The following SV2C variants were observed in gnomAD, a reference collection of about 807,000 sequenced individuals.
The protein encoded by SV2C is solute carrier family 22 member B3.
A neutral mutation model predicts 79.7 loss-of-function variants in SV2C; 49 were observed. The observed-to-expected ratio is 0.61, with a 90% confidence interval of 0.49 to 0.78. The LOEUF (loss-of-function observed/expected upper bound fraction) is 0.78. Among genes scored for constraint, SV2C ranks in the 30% least tolerant of loss-of-function variants. The pLI is 0.00. For synonymous variants in SV2C, 334 were observed against 333.2 expected (o/e 1.00, Z -0.03); for missense variants, 833 against 912.9 (o/e 0.91, Z 1.13).
At chr5:75,920,768 C>T in the SV2C span, 6 of 780,294 alleles carry the variant, frequency 7.7e-6, no homozygotes, top group South Asian at 1.4e-5. Flanking sequence ...TCTCTTGGGT[C>T]CCGTTGGGGT....
At chr5:76,183,379 T>C (rs1743813550) in intron 2 of SV2C, among the ~76,000 whole-genome samples, 1 of 151,480 alleles carries the variant, frequency 6.6e-6, no homozygotes, top group Non-Finnish European at 1.5e-5. Context: ...ACCCCTATGA[T>C]CCAAACACCT....
the SV2C span, among the ~76,000 whole-genome samples, chr5:76,045,383 C>G: frequency 6.6e-6 from 1 of 152,094 alleles, no homozygotes; most frequent in Non-Finnish European, 1.5e-5. Flanking sequence ...TTAGGATTGT[C>G]TTGGCTATAT....
intron 4 of SV2C, among the ~76,000 whole-genome samples, chr5:76,215,777 T>C (rs1304355583): frequency 6.6e-6 from 1 of 152,124 alleles, no homozygotes; most frequent in Non-Finnish European, 1.5e-5. Context: ...CTCATATTAG[T>C]AATGGGCTTT....
chr5:75,899,939 T>A, the SV2C span, among the ~76,000 whole-genome samples: 1 of 152,192 alleles, frequency 6.6e-6, no homozygotes, highest in Non-Finnish European at 1.5e-5. Context: ...CTCCATCCTT[T>A]TATTTTGAGC....
At chr5:75,991,920 A>G in the SV2C span, among the ~76,000 whole-genome samples, 3 of 151,766 alleles carry the variant, frequency 2.0e-5, no homozygotes, top group Non-Finnish European at 2.9e-5. Context: ...CTTTAATTTT[A>G]AAAAATCTGG....
intron 8 of SV2C, 114 bp from the exon 9 acceptor site, chr5:76,295,664 A>T: frequency 5.1e-6 from 5 of 988,568 alleles, no homozygotes; most frequent in East Asian, 5.1e-5. Context: ...TCATAATGTT[A>T]TAGGGAGCCA....
chr5:76,046,970 T>C, the SV2C span, among the ~76,000 whole-genome samples: 1 of 152,264 alleles, frequency 6.6e-6, no homozygotes, highest in Non-Finnish European at 1.5e-5. Context: ...ACCATCTTCT[T>C]AACTGAGTGC....
At position 76,333,893 on chromosome 5, in the gene SV2C, ATATT is replaced by A. The variant is rs1365000470; in HGVS notation, c.*8349_*8352del. 5 of 151,008 alleles carry A rather than the reference ATATT, an allele frequency of 3.3e-5. No individual in the cohort carries two copies. In the East Asian group the frequency reaches 9.7e-4, roughly 29 times the overall value. The allele number at this position is 151,008 out of a possible 1,614,324, so 9.4% of individuals were successfully genotyped here. A position where few individuals can be genotyped will look rare whatever the true frequency, so the allele number is the denominator to read the frequency against. On this transcript the variant is annotated 3_prime_UTR_variant, in exon 13 of 13. Transcript: ENST00000502798. ...TAACATTCATGTAACAGCTGCAAAG[ATATT>A]TAGTGTATATCAGATTAATAAAAGA...
chr5:75,977,120 C>A, the SV2C span, among the ~76,000 whole-genome samples: 1 of 152,116 alleles, frequency 6.6e-6, no homozygotes, highest in Non-Finnish European at 1.5e-5. Flanking sequence ...AGAAAATCTA[C>A]TATTAAATAA....
the SV2C span, among the ~76,000 whole-genome samples, chr5:75,866,453 C>A: frequency 6.6e-6 from 1 of 152,180 alleles, no homozygotes; most frequent in African/African-American, 2.4e-5. Flanking sequence ...CAACTATCCC[C>A]TATTTTATCA....
chr5:75,921,046 A>G, the SV2C span: 2 of 738,070 alleles, frequency 2.7e-6, no homozygotes, highest in Non-Finnish European at 4.8e-6. Context: ...ACCTGATGCC[A>G]TGTTTCTTGT....
chr5:76,001,305 A>T, the SV2C span, among the ~76,000 whole-genome samples: 6 of 152,298 alleles, frequency 3.9e-5, no homozygotes, highest in South Asian at 1.0e-3. Flanking sequence ...AGGAATTTTT[A>T]AAAATCTCTT....
the SV2C span, among the ~76,000 whole-genome samples, chr5:76,027,300 G>C: frequency 6.6e-6 from 1 of 151,956 alleles, no homozygotes; most frequent in Admixed American, 6.6e-5. Flanking sequence ...GACCTCAGGT[G>C]ATCCACCCGC....
the SV2C span, among the ~76,000 whole-genome samples, chr5:76,031,120 T>C: frequency 6.6e-6 from 1 of 152,200 alleles, no homozygotes; most frequent in African/African-American, 2.4e-5. Flanking sequence ...CTGTCACAGA[T>C]GAAATAATGC....
chr5:76,215,986 G>A (rs1468992683), intron 4 of SV2C, among the ~76,000 whole-genome samples: 4 of 149,944 alleles, frequency 2.7e-5, no homozygotes, highest in Admixed American at 7.4e-5. Flanking sequence ...AGCCTCTGAT[G>A]CAAAGTAGAC....
At position 76,351,080 on chromosome 5, in the gene SV2C, G is replaced by A. The variant is rs189922845; in HGVS notation, c.2001-2050G>A. Among the ~76,000 whole-genome samples, 65 of 152,106 alleles carry A rather than the reference G, an allele frequency of 4.3e-4. 1 individual carries two copies. The East Asian group carries it at 0.012, about 28-fold the overall frequency. ...AACAGGATGATGCATCTGCATCACT[G>A]GGTCGGTGCAACTTCAGATTGAATG... On this transcript the variant is annotated intron_variant, in intron 12 of 12. Coordinates refer to the SV2C transcript ENST00000322285.
chr5:75,914,371 T>C, the SV2C span, among the ~76,000 whole-genome samples: 5,368 of 152,286 alleles, frequency 0.035, 322 homozygotes, highest in African/African-American at 0.12. Flanking sequence ...TTCAATCAAA[T>C]TATATTATTA....
At chr5:76,167,731 G>C (rs1030401291) in intron 2 of SV2C, among the ~76,000 whole-genome samples, 1 of 152,190 alleles carries the variant, frequency 6.6e-6, no homozygotes, top group Non-Finnish European at 1.5e-5. Context: ...TGGATAGGAA[G>C]CCATGCAGTC....
the SV2C span, among the ~76,000 whole-genome samples, chr5:75,915,632 C>T: frequency 0.011 from 1,633 of 152,234 alleles, 23 homozygotes; most frequent in African/African-American, 0.038. Context: ...GTGGCTATTT[C>T]GAGAAGGAAC....
Sources: allele counts gnomAD v4.1 joint callset (sites outside exome capture counted in the v4.1 genomes callset), GRCh38; gene constraint gnomAD v4.1.1; transcripts MANE v1.5; gene names NCBI Gene and HGNC (gene_info 2026-07-23, HGNC 2026-07-21).